Variants in CLEC16A observed in about 807,000 individuals in gnomAD.
The protein encoded by CLEC16A is C-type lectin domain containing 16A, also known as protein CLEC16A.
Under a neutral mutation model 109.5 loss-of-function variants are expected in CLEC16A, and 51 were observed. The observed-to-expected ratio is 0.47, with a 90% CI of 0.37 to 0.59. The LOEUF is 0.59. Ranked by LOEUF, CLEC16A falls within the 20% of genes least tolerant of loss-of-function variation. The pLI, the probability that CLEC16A is intolerant of heterozygous loss-of-function variation, is 0.00. For synonymous variants in CLEC16A, 673 were observed against 564.2 expected, an observed-to-expected ratio of 1.19 and a Z score of -2.73; for missense variants, 1,339 against 1,394.0, an observed-to-expected ratio of 0.96 and a Z score of 0.63.
Position 11,151,673 on chromosome 16 carries a change from C to T in CLEC16A, c.2642-14715C>T, listed in dbSNP as rs1282806114. ...GCCTCAGGCATTAAATCAATCAGTG[C>T]AATTTCACTCACAGGGCAGCTTGCC... On this transcript the variant is annotated intron_variant, in intron 22 of 23. Transcript: ENST00000409790. Among the ~76,000 whole-genome samples, 6 of 152,220 alleles carry T rather than the reference C, an allele frequency of 3.9e-5. No individual in the cohort carries two copies. The East Asian group carries it at 9.6e-4, about 24-fold the overall frequency.
chr16:11,047,158 T>G, intron 16 of CLEC16A, 134 bp from the exon 17 acceptor site: 1 of 523,430 alleles, frequency 1.9e-6, no homozygotes, highest in Non-Finnish European at 3.2e-6. Flanking sequence ...GCATTTTACT[T>G]CCTGGTGATT....
chr16:11,005,609 C>G (rs552817480), intron 11 of CLEC16A, among the ~76,000 whole-genome samples: 1 of 152,328 alleles, frequency 6.6e-6, no homozygotes, highest in East Asian at 1.9e-4. Context: ...TCCTGCCAGG[C>G]AACAGCACTT....
rs773319696 is a variant in CLEC16A, at chr16:11,178,711, TTG to T, written c.*30_*31del. The stretch of plus-strand genomic sequence containing the variant: ...ACTGAGTCAGTGCCGGGGCCTCCCT[TTG>T]TGTGTGTGGCCCCGCTGGTAGGGAC... On this transcript the variant is annotated 3_prime_UTR_variant, in exon 24 of 24. Coordinates refer to ENST00000409790, the MANE Select transcript of CLEC16A (RefSeq NM_015226.3). This position sits in a 1 kb window ranked among gnomAD's most constrained non-coding sequence, Gnocchi z 6.5. The T allele has an allele frequency of 3.5e-6, 5 of 1,443,414 alleles. No homozygotes were observed. Among genetic ancestry groups the T allele is most frequent in the African/African-American group, 2.8e-5 (2 of 70,492 alleles). 89.4% of individuals were successfully genotyped at this position (1,443,414 alleles called of 1,614,324 possible).
rs368165968 is a variant in CLEC16A at position 11,058,002 on chromosome 16, TGGTGG to T, written c.1996-2895_1996-2891del. On this transcript the variant is annotated intron_variant, in intron 18 of 23. Transcript: ENST00000409790. The stretch of plus-strand genomic sequence containing the variant: ...AAGAGAGTGCTTATTGTTTTGGGTG[TGGTGG>T]GGTGAATTTTATGGCTCTTATGCTC... Among the ~76,000 whole-genome samples, 1,369 of 152,336 alleles carry T rather than the reference TGGTGG, an allele frequency of 9.0e-3. 26 individuals are homozygous for T. Among genetic ancestry groups the T allele is most frequent in the African/African-American group, 0.031 (1,299 of 41,576 alleles).
intron 19 of CLEC16A, among the ~76,000 whole-genome samples, chr16:11,117,429 A>C (rs1339325740): frequency 6.6e-6 from 1 of 152,158 alleles, no homozygotes; most frequent in Non-Finnish European, 1.5e-5. Context: ...CTTTGTAGGG[A>C]TAGTTTTTTT....
At chr16:11,109,600 T>C (rs997536217) in intron 19 of CLEC16A, among the ~76,000 whole-genome samples, 2 of 152,158 alleles carry the variant, frequency 1.3e-5, no homozygotes, top group African/African-American at 4.8e-5. Context: ...CACTAATCCC[T>C]GGTACCAGCG....
chr16:11,045,634 G>T (rs1300327651), intron 16 of CLEC16A, among the ~76,000 whole-genome samples: 1 of 152,150 alleles, frequency 6.6e-6, no homozygotes, highest in Non-Finnish European at 1.5e-5. Context: ...AGCCATGGTG[G>T]ATTAATCCAT....
intron 1 of CLEC16A, among the ~76,000 whole-genome samples, chr16:10,951,485 TC>T (rs1222929637): frequency 8.8e-6 from 1 of 113,748 alleles, no homozygotes; most frequent in Non-Finnish European, 1.9e-5. Flanking sequence ...ATTTCTGTAG[TC>T]CTAGAAGGGT....
intron 18 of CLEC16A, among the ~76,000 whole-genome samples, chr16:11,058,496 T>C (rs971746926): frequency 6.6e-6 from 1 of 152,000 alleles, no homozygotes; most frequent in African/African-American, 2.4e-5. Flanking sequence ...AGGAAAAAAG[T>C]CTGTACAAGT....
At chr16:11,165,745 C>T (rs2068234453) in intron 22 of CLEC16A, among the ~76,000 whole-genome samples, 1 of 152,152 alleles carries the variant, frequency 6.6e-6, no homozygotes, top group Non-Finnish European at 1.5e-5. Flanking sequence ...CCCGCTGGGT[C>T]AGTTTACCGC....
At chr16:10,984,447 C>G (rs916661639) in intron 10 of CLEC16A, among the ~76,000 whole-genome samples, 1 of 152,148 alleles carries the variant, frequency 6.6e-6, no homozygotes, top group Non-Finnish European at 1.5e-5. Context: ...CATGCTAGTT[C>G]TGGGGATACA....
intron 11 of CLEC16A, among the ~76,000 whole-genome samples, chr16:11,015,997 A>G (rs1208449679): frequency 2.6e-5 from 4 of 152,220 alleles, no homozygotes; most frequent in Non-Finnish European, 5.9e-5. Context: ...TCTGATGGCA[A>G]GCCTTGTTAG....
chr16:11,027,869 G>A, intron 13 of CLEC16A: 2 of 640,238 alleles, frequency 3.1e-6, no homozygotes, highest in Admixed American at 4.9e-5. Context: ...ATTATTTCCT[G>A]CTCTGTCTTC....
chr16:11,167,724 A>C (rs1382005392), intron 23 of CLEC16A, among the ~76,000 whole-genome samples: 6 of 152,050 alleles, frequency 3.9e-5, no homozygotes, highest in Admixed American at 3.9e-4. Context: ...CAGCCACCTC[A>C]CTGAGAGATC....
intron 20 of CLEC16A, among the ~76,000 whole-genome samples, chr16:11,122,163 T>C (rs1567350409): frequency 6.6e-6 from 1 of 152,224 alleles, no homozygotes; most frequent in African/African-American, 2.4e-5. Flanking sequence ...GCTGTCTGTG[T>C]CCTGCTCTCT....
chr16:10,957,242 T>C (rs1008040929), intron 1 of CLEC16A, among the ~76,000 whole-genome samples: 1 of 152,218 alleles, frequency 6.6e-6, no homozygotes, highest in East Asian at 1.9e-4. Context: ...CCAAGGGGAA[T>C]TGCATGTGAT....
At chr16:11,001,370 G>T (rs2044659910) in intron 10 of CLEC16A, among the ~76,000 whole-genome samples, 1 of 152,190 alleles carries the variant, frequency 6.6e-6, no homozygotes, top group Admixed American at 6.5e-5. Flanking sequence ...ACAGGTGTGA[G>T]CCATGTGCCT....
At chr16:11,172,872 G>T (rs1460821923) in intron 23 of CLEC16A, among the ~76,000 whole-genome samples, 3 of 152,204 alleles carry the variant, frequency 2.0e-5, no homozygotes, top group African/African-American at 7.2e-5. Flanking sequence ...CTGGGCAACA[G>T]AGCGGGACTC....
intron 22 of CLEC16A, among the ~76,000 whole-genome samples, chr16:11,158,621 G>C (rs778128560): frequency 6.6e-6 from 1 of 152,112 alleles, no homozygotes; most frequent in Admixed American, 6.5e-5. Flanking sequence ...GACACCCTGG[G>C]GTTAAAAACA....
Sources: allele counts gnomAD v4.1 joint callset (sites outside exome capture counted in the v4.1 genomes callset), GRCh38; gene constraint gnomAD v4.1.1; non-coding constraint Gnocchi (gnomAD v3.1); transcripts MANE v1.5; gene names NCBI Gene and HGNC (gene_info 2026-07-23, HGNC 2026-07-21).